SLC44A5: variants seen among roughly 807,000 people sequenced by gnomAD.
SLC44A5 encodes choline transporter-like protein 5.
SLC44A5 carries 57 observed loss-of-function variants against 101.8 expected under a neutral mutation model. The observed-to-expected ratio is 0.56, with a 90% CI of 0.45 to 0.70. SLC44A5 has a LOEUF of 0.70. SLC44A5 is among the 30% of genes least tolerant of loss of function. The probability of loss-of-function intolerance (pLI) is 0.00; values close to 1 mark genes in which losing one functional copy is unlikely to be tolerated. For missense variants in SLC44A5, 737 were observed against 853.1 expected (o/e 0.86, Z 1.70); for synonymous variants, 281 against 290.9 (o/e 0.97, Z 0.35).
intron 2 of SLC44A5, among the ~76,000 whole-genome samples, chr1:75,458,316 G>T (rs1056662172): frequency 5.9e-5 from 9 of 152,210 alleles, no homozygotes; most frequent in African/African-American, 2.2e-4. Context: ...GTTTGGTCAT[G>T]AGACTAAAGT....
chr1:75,586,445 C>T (rs898853753), intron 1 of SLC44A5, among the ~76,000 whole-genome samples: 1 of 127,768 alleles, frequency 7.8e-6, no homozygotes, highest in African/African-American at 2.8e-5. Flanking sequence ...AACCCTAATA[C>T]AATATTTAAG....
chr1:75,343,032 C>A, intron 3 of SLC44A5, among the ~76,000 whole-genome samples: 1 of 151,986 alleles, frequency 6.6e-6, no homozygotes, highest in East Asian at 1.9e-4. Flanking sequence ...GGGGCCCTCA[C>A]GTACTCTAAT....
chr1:75,722,873 ATC>A, the SLC44A5 span, among the ~76,000 whole-genome samples: 3 of 152,244 alleles, frequency 2.0e-5, no homozygotes, highest in African/African-American at 4.8e-5. Context: ...ATTCTTTGAT[ATC>A]TGTTGGCCGT....
intron 2 of SLC44A5, among the ~76,000 whole-genome samples, chr1:75,431,270 A>T (rs1029675140): frequency 7.2e-5 from 11 of 152,146 alleles, no homozygotes; most frequent in African/African-American, 7.2e-5. Flanking sequence ...GGAGTCAATA[A>T]AGTCATTAAA....
chr1:75,361,538 T>C (rs1216874090), intron 3 of SLC44A5, among the ~76,000 whole-genome samples: 1 of 152,096 alleles, frequency 6.6e-6, no homozygotes, highest in Non-Finnish European at 1.5e-5. Context: ...CCTAATCTGT[T>C]GAGAGTTTTT....
At chr1:75,376,111 A>G (rs1345388560) in intron 3 of SLC44A5, among the ~76,000 whole-genome samples, 5 of 152,234 alleles carry the variant, frequency 3.3e-5, no homozygotes, top group African/African-American at 4.8e-5. Context: ...TCCCACCCAA[A>G]TACTGCGCTT....
chr1:75,236,962 G>T (rs755528041), intron 11 of SLC44A5, 25 bp downstream of exon 11: 3 of 1,297,016 alleles, frequency 2.3e-6, no homozygotes, highest in Admixed American at 1.7e-5. Context: ...GGCTGGAGAA[G>T]AAACATCTAT....
At chr1:75,513,598 C>T (rs1669675451) in intron 2 of SLC44A5, among the ~76,000 whole-genome samples, 1 of 152,100 alleles carries the variant, frequency 6.6e-6, no homozygotes, top group Admixed American at 6.5e-5. Flanking sequence ...ACATCTAAAA[C>T]AACTCTAGTT....
intron 2 of SLC44A5, among the ~76,000 whole-genome samples, chr1:75,411,497 C>A (rs1663276986): frequency 1.3e-5 from 2 of 151,894 alleles, no homozygotes; most frequent in Admixed American, 6.6e-5. Context: ...AAATAGTGTG[C>A]AAGTTGAAAG....
intron 2 of SLC44A5, among the ~76,000 whole-genome samples, chr1:75,533,217 A>G (rs1670817108): frequency 6.6e-6 from 1 of 152,184 alleles, no homozygotes; most frequent in African/African-American, 2.4e-5. Flanking sequence ...GTGCCATACA[A>G]TTTAGCACTT....
At chr1:75,445,985 A>C (rs761587121) in intron 2 of SLC44A5, among the ~76,000 whole-genome samples, 9 of 151,790 alleles carry the variant, frequency 5.9e-5, no homozygotes, top group Non-Finnish European at 1.2e-4. Flanking sequence ...TCCATCAGCA[A>C]CTCATATGAG....
At chr1:75,481,579 C>CA (rs899350502) in intron 2 of SLC44A5, among the ~76,000 whole-genome samples, 26 of 152,028 alleles carry the variant, frequency 1.7e-4, no homozygotes, top group Middle Eastern at 3.4e-3. Flanking sequence ...ACGACCCCAT[C>CA]AAAAGGTGGG....
At chr1:75,617,391 A>G in the SLC44A5 span, among the ~76,000 whole-genome samples, 15 of 152,054 alleles carry the variant, frequency 9.9e-5, no homozygotes, top group Non-Finnish European at 2.1e-4. Flanking sequence ...AAAAACCCCA[A>G]TTGTGAATTC....
chr1:75,350,593 G>A (rs971232757), intron 3 of SLC44A5, among the ~76,000 whole-genome samples: 13 of 150,876 alleles, frequency 8.6e-5, no homozygotes, highest in African/African-American at 2.9e-4. Context: ...AAAAAACAAG[G>A]ATAGAAAAAG....
At chr1:75,700,166 T>C in the SLC44A5 span, among the ~76,000 whole-genome samples, 36 of 152,054 alleles carry the variant, frequency 2.4e-4, no homozygotes, top group Non-Finnish European at 4.7e-4. Flanking sequence ...CTAATAGACA[T>C]CTACAGAAAT....
At position 75,222,402 on chromosome 1, in the gene SLC44A5, A is replaced by G; in HGVS notation, c.1044T>C (p.Asn348=). Residue 348 remains asparagine (N), a synonymous_variant, in exon 14 of 24, where the codon AAT becomes AAC. Coordinates refer to ENST00000370859, the MANE Select transcript of SLC44A5 (RefSeq NM_001130058.2). ...IVILMLIFLR[N]RIRVAIILLK... ...GCAGGATAATGGCGACTCGGATTCGATTCCTGAGGAAGATCAGCATGAGGA... is the reference window on the plus strand; with the variant it reads ...GCAGGATAATGGCGACTCGGATTCGGTTCCTGAGGAAGATCAGCATGAGGA... 1.2e-6 allele frequency: 2 copies of G among 1,613,812 alleles called. No individual in the cohort carries two copies. Among genetic ancestry groups the G allele is most frequent in the Non-Finnish European group, 1.7e-6 (2 of 1,179,910 alleles).
intron 2 of SLC44A5, among the ~76,000 whole-genome samples, chr1:75,414,309 A>G (rs532090460): frequency 2.8e-5 from 4 of 143,166 alleles, no homozygotes; most frequent in Non-Finnish European, 6.0e-5. Context: ...ATACATACAT[A>G]CATACATATC....
chr1:75,206,394 A>G (rs761514707), intron 23 of SLC44A5: 266 of 443,396 alleles, frequency 6.0e-4, no homozygotes, highest in Non-Finnish European at 8.9e-4. Flanking sequence ...AACGTTTGAC[A>G]TTAACATTTT....
chr1:75,698,682 G>A, the SLC44A5 span, among the ~76,000 whole-genome samples: 9 of 152,316 alleles, frequency 5.9e-5, no homozygotes, highest in Admixed American at 4.6e-4. Flanking sequence ...AGAGAAGAAG[G>A]CTTCAGACGA....
Sources: gnomAD v4.1 joint callset for allele counts (sites outside exome capture counted in the v4.1 genomes callset) on GRCh38, gnomAD v4.1.1 for gene constraint, MANE v1.5 for transcripts, NCBI Gene and HGNC (gene_info 2026-07-23, HGNC 2026-07-21) for gene names.